The following SERPINB12 variants were observed in gnomAD, a reference collection of about 807,000 sequenced individuals.
The protein encoded by SERPINB12 is serpin family B member 12, also known as serpin B12.
Under a neutral mutation model 41.1 loss-of-function variants are expected in SERPINB12, and 57 were observed. The observed-to-expected ratio is 1.39, with a 90% confidence interval of 1.12 to 1.73. The LOEUF (loss-of-function observed/expected upper bound fraction) is 1.73. Ranked by LOEUF, SERPINB12 falls within the 40% of genes most tolerant of loss-of-function variation. SERPINB12 has a pLI of 0.00. For synonymous variants in SERPINB12, 180 were observed against 181.3 expected (o/e 0.99, Z 0.06); for missense variants, 536 against 501.9 (o/e 1.07, Z -0.65).
the SERPINB12 span, among the ~76,000 whole-genome samples, chr18:63,524,450 C>T: frequency 3.8e-4 from 57 of 151,618 alleles, no homozygotes; most frequent in Non-Finnish European, 5.9e-4. Flanking sequence ...CCACCATGCC[C>T]GGCTAATTTT....
chr18:63,521,613 C>T, the SERPINB12 span, among the ~76,000 whole-genome samples: 2 of 151,788 alleles, frequency 1.3e-5, no homozygotes, highest in Non-Finnish European at 2.9e-5. Flanking sequence ...ATTATCTTGC[C>T]CAAAAAAAAG....
intron 1 of SERPINB12, among the ~76,000 whole-genome samples, chr18:63,549,096 C>G (rs76095517): frequency 0.041 from 6,273 of 152,066 alleles, 445 homozygotes; most frequent in African/African-American, 0.14. Context: ...AAAAGAACAT[C>G]TATGAAGACA....
At chr18:63,533,122 C>T in the SERPINB12 span, among the ~76,000 whole-genome samples, 152 of 152,182 alleles carry the variant, frequency 1.0e-3, 1 homozygote, top group African/African-American at 3.4e-3. Flanking sequence ...GGATTACAGG[C>T]GCCCACCACC....
At chr18:63,532,274 CT>C in the SERPINB12 span, among the ~76,000 whole-genome samples, 1 of 152,206 alleles carries the variant, frequency 6.6e-6, no homozygotes, top group Non-Finnish European at 1.5e-5. Flanking sequence ...CTGACATCCT[CT>C]TTCACATGGT....
At chr18:63,519,968 T>C in the SERPINB12 span, among the ~76,000 whole-genome samples, 1 of 152,092 alleles carries the variant, frequency 6.6e-6, no homozygotes, top group African/African-American at 2.4e-5. Flanking sequence ...GGATGCCCTG[T>C]CTTGGTGCCT....
In SERPINB12 at chr18:63,556,167, C is replaced by T; in HGVS notation, c.8C>T (p.Ser3Phe). The T allele has an allele frequency of 1.2e-6, 2 of 1,613,538 alleles. No individual in the cohort carries two copies. Among genetic ancestry groups the T allele is most frequent in the Admixed American group, 1.7e-5 (1 of 60,002 alleles). The stretch of plus-strand genomic sequence containing the variant: ...ATCGTTATAAGTTTTACAATGGACT[C>T]TCTTGTTACAGCAAACACCAAATTT... MDSLVTANTKFCF... is the reference protein window; with the variant it reads MDFLVTANTKFCF... Residue 3 changes from serine (S) to phenylalanine (F), a missense_variant, in exon 2 of 8, where the codon TCT becomes TTT. Coordinates refer to ENST00000382768, the MANE Select transcript of SERPINB12 (RefSeq NM_001307928.2).
Position 63,568,378 on chromosome 18 carries a change from C to T in SERPINB12, c.*1367C>T, listed in dbSNP as rs960682820. 2.0e-5 allele frequency among the ~76,000 whole-genome samples: 3 copies of T among 152,082 alleles called. No individual in the cohort carries two copies. Among genetic ancestry groups the T allele is most frequent in the Non-Finnish European group, 4.4e-5 (3 of 68,018 alleles). ...CCTGGGTGACAGAGCGAAACCCTGT[C>T]TCAAAAAACAAACAAACAAAAAACC... On this transcript the variant is annotated 3_prime_UTR_variant, in exon 8 of 8. Transcript: ENST00000382768.
the SERPINB12 span, among the ~76,000 whole-genome samples, chr18:63,534,793 T>C: frequency 1.3e-5 from 2 of 152,152 alleles, no homozygotes; most frequent in African/African-American, 4.8e-5. Context: ...TTGTGGCTTC[T>C]GGTATAATGA....
intron 1 of SERPINB12, among the ~76,000 whole-genome samples, chr18:63,552,232 A>C (rs1910551122): frequency 6.6e-6 from 1 of 152,216 alleles, no homozygotes; most frequent in Non-Finnish European, 1.5e-5. Flanking sequence ...GATACGACAA[A>C]TGTAAGTTTC....
chr18:63,519,966 T>G, the SERPINB12 span, among the ~76,000 whole-genome samples: 1 of 152,160 alleles, frequency 6.6e-6, no homozygotes, highest in Non-Finnish European at 1.5e-5. Context: ...ATGGATGCCC[T>G]GTCTTGGTGC....
chr18:63,552,889 G>A (rs1166267871), intron 1 of SERPINB12, among the ~76,000 whole-genome samples: 1 of 152,006 alleles, frequency 6.6e-6, no homozygotes, highest in East Asian at 1.9e-4. Context: ...TATTTGCTAT[G>A]TTTTAGACTT....
upstream of SERPINB12, among the ~76,000 whole-genome samples, chr18:63,539,232 A>G (rs929640267): frequency 1.3e-5 from 2 of 152,200 alleles, no homozygotes; most frequent in African/African-American, 4.8e-5. Context: ...AGGCTCAGTC[A>G]GAATGGATAG....
At chr18:63,523,131 T>C in the SERPINB12 span, among the ~76,000 whole-genome samples, 2 of 152,150 alleles carry the variant, frequency 1.3e-5, no homozygotes, top group South Asian at 2.1e-4. Flanking sequence ...AACTTGATTG[T>C]GGGGAAGCCT....
At chr18:63,534,275 G>GA in the SERPINB12 span, among the ~76,000 whole-genome samples, 3 of 151,952 alleles carry the variant, frequency 2.0e-5, no homozygotes, top group African/African-American at 7.3e-5. Flanking sequence ...GTTTTATAAG[G>GA]AGACAACACA....
rs751996279 is a variant in SERPINB12, at chr18:63,558,500, G to A, written c.303+14G>A. 2.2e-5 allele frequency: 35 copies of A among 1,597,280 alleles called. No homozygotes were observed. Among genetic ancestry groups the A allele is most frequent in the Middle Eastern group, 1.7e-4 (1 of 5,968 alleles). ...CTGGATCAGCAGGTGAACCGCCACC[G>A]TAGAAAACTCTTGCCTTTCTTTTTT... is the stretch of plus-strand genomic sequence containing the variant. On this transcript the variant is annotated intron_variant, in intron 3 of 7. Coordinates refer to ENST00000382768, the MANE Select transcript of SERPINB12 (RefSeq NM_001307928.2).
At chr18:63,539,298 T>C (rs1910229514), upstream of SERPINB12, among the ~76,000 whole-genome samples, 1 of 152,124 alleles carries the variant, frequency 6.6e-6, no homozygotes, top group Admixed American at 6.6e-5. Flanking sequence ...TTTCAGTAAT[T>C]CTAAAAGTGT....
At chr18:63,546,174 G>A (rs147998312) in intron 1 of SERPINB12, among the ~76,000 whole-genome samples, 4 of 152,158 alleles carry the variant, frequency 2.6e-5, no homozygotes, top group Admixed American at 2.6e-4. Context: ...CAACAAGTTA[G>A]AAAAGGAAGA....
intron 1 of SERPINB12, among the ~76,000 whole-genome samples, chr18:63,554,465 C>T (rs936727051): frequency 1.2e-4 from 18 of 152,136 alleles, no homozygotes; most frequent in African/African-American, 4.3e-4. Flanking sequence ...CAAATTACAC[C>T]ATTCCATTCA....
intron 1 of SERPINB12, among the ~76,000 whole-genome samples, chr18:63,549,877 G>T (rs1382216252): frequency 6.6e-6 from 1 of 152,182 alleles, no homozygotes; most frequent in Non-Finnish European, 1.5e-5. Context: ...AGTGTTATCT[G>T]CTCCAGAGGG....
Sources: gnomAD v4.1 joint callset for allele counts (sites outside exome capture counted in the v4.1 genomes callset) on GRCh38, gnomAD v4.1.1 for gene constraint, MANE v1.5 for transcripts, NCBI Gene and HGNC (gene_info 2026-07-23, HGNC 2026-07-21) for gene names.